The following GAB2 variants were observed in gnomAD, a reference collection of about 807,000 sequenced individuals.
GAB2 encodes GRB2 associated binding protein 2.
A neutral mutation model predicts 65.5 loss-of-function variants in GAB2; 26 were observed. That is an observed-to-expected ratio of 0.40 (90% confidence interval 0.29 to 0.55). GAB2 has a LOEUF of 0.55. GAB2 is among the 20% of genes least tolerant of loss of function. The pLI is 0.53. For missense variants in GAB2, 884 were observed against 875.8 expected (o/e 1.01, Z -0.12); for synonymous variants, 321 against 329.6 (o/e 0.97, Z 0.28).
chr11:78,355,242 T>G (rs972000923), intron 1 of GAB2, among the ~76,000 whole-genome samples: 37 of 152,222 alleles, frequency 2.4e-4, no homozygotes, highest in Non-Finnish European at 3.8e-4. Flanking sequence ...TTTCCTCATC[T>G]ATAAACAACA....
At chr11:78,290,104 GA>G (rs1866615419) in intron 1 of GAB2, among the ~76,000 whole-genome samples, 2 of 151,846 alleles carry the variant, frequency 1.3e-5, no homozygotes, top group African/African-American at 4.8e-5. Flanking sequence ...AGACAAACCA[GA>G]AAAATAAAAA....
intron 1 of GAB2, among the ~76,000 whole-genome samples, chr11:78,353,984 C>A (rs559944439): frequency 6.6e-6 from 1 of 152,358 alleles, no homozygotes; most frequent in African/African-American, 2.4e-5. Flanking sequence ...GATTCAGTAG[C>A]TCTGGCTTGG....
At chr11:78,272,352 C>T (rs1013414421) in intron 2 of GAB2, among the ~76,000 whole-genome samples, 10 of 152,064 alleles carry the variant, frequency 6.6e-5, no homozygotes, top group South Asian at 2.1e-4. Context: ...GTGATAATAG[C>T]GACATGGACA....
intron 1 of GAB2, among the ~76,000 whole-genome samples, chr11:78,370,860 T>A (rs911851452): frequency 6.6e-6 from 1 of 152,114 alleles, no homozygotes; most frequent in East Asian, 1.9e-4. Context: ...CCTCACTCCC[T>A]ACTTCCAGGC....
intron 1 of GAB2, among the ~76,000 whole-genome samples, chr11:78,363,586 C>A (rs564267367): frequency 1.5e-3 from 209 of 135,450 alleles, no homozygotes; most frequent in African/African-American, 5.6e-3. Context: ...AATATATTTT[C>A]TTTTTTTTTT....
At chr11:78,312,152 T>C (rs868816424) in intron 1 of GAB2, among the ~76,000 whole-genome samples, 36 of 151,104 alleles carry the variant, frequency 2.4e-4, no homozygotes, top group African/African-American at 8.0e-4. Flanking sequence ...TGGTGTTTAC[T>C]GTAAACTCTG....
At chr11:78,362,071 T>C (rs889122641) in intron 1 of GAB2, among the ~76,000 whole-genome samples, 9 of 146,822 alleles carry the variant, frequency 6.1e-5, no homozygotes, top group African/African-American at 2.0e-4. Context: ...CATCAAGATA[T>C]ATTATGAAGT....
intron 1 of GAB2, among the ~76,000 whole-genome samples, chr11:78,391,051 C>T (rs1856827945): frequency 6.6e-6 from 1 of 152,186 alleles, no homozygotes; most frequent in African/African-American, 2.4e-5. Flanking sequence ...TCAAAGGAGA[C>T]TTTATCCTGA....
intron 1 of GAB2, among the ~76,000 whole-genome samples, chr11:78,368,665 CAT>C (rs1401304903): frequency 1.3e-5 from 2 of 151,778 alleles, no homozygotes. Context: ...TCTTTCACTA[CAT>C]ATGTTTGTAA....
chr11:78,381,426 T>A (rs1856695998), intron 1 of GAB2, among the ~76,000 whole-genome samples: 1 of 152,200 alleles, frequency 6.6e-6, no homozygotes, highest in African/African-American at 2.4e-5. Context: ...AGTAGTGAAC[T>A]AGCCAAGGGC....
intron 1 of GAB2, among the ~76,000 whole-genome samples, chr11:78,382,059 C>T (rs971843424): frequency 6.6e-6 from 1 of 152,192 alleles, no homozygotes; most frequent in Non-Finnish European, 1.5e-5. Context: ...GCTAAAAGAC[C>T]TTTGTTCTCT....
rs190043694 is a variant in GAB2, at chr11:78,324,201, T to A, written c.76-43300A>T. Among the ~76,000 whole-genome samples the A allele has an allele frequency of 3.4e-3, 514 of 152,288 alleles. 3 individuals are homozygous for A. Among genetic ancestry groups the A allele is most frequent in the Non-Finnish European group, 5.9e-3 (404 of 68,014 alleles). On this transcript the variant is annotated intron_variant, in intron 1 of 9. Transcript: ENST00000361507. Reference sequence around the variant, plus strand: ...ATAAGTACACAGGAGGAGACAGAATTCTACAAGTATATCATATTCTGGCTG... The same window carrying A: ...ATAAGTACACAGGAGGAGACAGAATACTACAAGTATATCATATTCTGGCTG...
chr11:78,348,114 G>A (rs1489886079), intron 1 of GAB2, among the ~76,000 whole-genome samples: 1 of 152,150 alleles, frequency 6.6e-6, no homozygotes, highest in Non-Finnish European at 1.5e-5. Context: ...GTAGGCTGAG[G>A]AGAAAGAGGA....
chr11:78,346,162 T>C (rs1856175710), intron 1 of GAB2, among the ~76,000 whole-genome samples: 1 of 152,176 alleles, frequency 6.6e-6, no homozygotes, highest in African/African-American at 2.4e-5. Flanking sequence ...GCAGAATGAC[T>C]ACAATTCTTC....
intron 1 of GAB2, among the ~76,000 whole-genome samples, chr11:78,299,856 G>A (rs988548529): frequency 6.6e-6 from 1 of 152,186 alleles, no homozygotes; most frequent in Non-Finnish European, 1.5e-5. Context: ...CTATTGGAAA[G>A]GCTTTTGTTT....
intron 1 of GAB2, among the ~76,000 whole-genome samples, chr11:78,357,032 G>A (rs1565171878): frequency 6.6e-6 from 1 of 152,164 alleles, no homozygotes; most frequent in Non-Finnish European, 1.5e-5. Flanking sequence ...TGTTTAATGG[G>A]TACACAGTTC....
At chr11:78,309,971 T>TGTGTGTGTGTGC (rs1421836447) in intron 1 of GAB2, among the ~76,000 whole-genome samples, 12 of 120,088 alleles carry the variant, frequency 1.0e-4, no homozygotes, top group East Asian at 4.6e-4. Context: ...TGTGTGTGTG[T>TGTGTGTGTGTGC]GCGCGCGCGC....
chr11:78,342,539 G>C (rs112223379), intron 1 of GAB2, among the ~76,000 whole-genome samples: 1 of 151,400 alleles, frequency 6.6e-6, no homozygotes. Context: ...CTCCCGAGTA[G>C]CTGGGACTAC....
At chr11:78,408,320 A>T in intron 1 of GAB2, among the ~76,000 whole-genome samples, 1 of 152,230 alleles carries the variant, frequency 6.6e-6, no homozygotes, top group Non-Finnish European at 1.5e-5. Context: ...CTTCATTTAG[A>T]TTATAAGACG....
Sources: allele counts gnomAD v4.1 joint callset (sites outside exome capture counted in the v4.1 genomes callset), GRCh38; gene constraint gnomAD v4.1.1; transcripts MANE v1.5; gene names NCBI Gene and HGNC (gene_info 2026-07-23, HGNC 2026-07-21).